APBA1: variants seen among roughly 807,000 people sequenced by gnomAD.
APBA1 encodes the protein amyloid-beta A4 precursor protein-binding family A member 1.
APBA1 carries 55 observed loss-of-function variants against 86.6 expected under a neutral mutation model. The observed-to-expected ratio is 0.64, with a 90% CI of 0.51 to 0.80. APBA1 has a LOEUF of 0.80. Among genes scored for constraint, APBA1 ranks in the 30% least tolerant of loss-of-function variants. The pLI is 0.00. For missense variants in APBA1, 1,090 were observed against 1,183.0 expected (o/e 0.92, Z 1.15); for synonymous variants, 511 against 493.9 (o/e 1.03, Z -0.46).
intron 1 of APBA1, among the ~76,000 whole-genome samples, chr9:69,527,090 C>T (rs1184834253): frequency 6.6e-6 from 1 of 151,876 alleles, no homozygotes; most frequent in African/African-American, 2.4e-5. Flanking sequence ...TGGGGAAGGA[C>T]AGAGGAGGGT....
intron 2 of APBA1, among the ~76,000 whole-genome samples, chr9:69,510,275 T>A (rs1015463210): frequency 2.7e-4 from 41 of 151,858 alleles, no homozygotes; most frequent in African/African-American, 8.5e-4. Context: ...TATACACCAA[T>A]AACAGACAAA....
chr9:69,527,862 T>C (rs1564067502), intron 1 of APBA1, among the ~76,000 whole-genome samples: 1 of 152,150 alleles, frequency 6.6e-6, no homozygotes, highest in Non-Finnish European at 1.5e-5. Context: ...TAATCATTTT[T>C]TGTTATATCT....
intron 1 of APBA1, among the ~76,000 whole-genome samples, chr9:69,597,985 G>C (rs552353059): frequency 2.0e-5 from 3 of 151,636 alleles, no homozygotes; most frequent in African/African-American, 7.3e-5. Flanking sequence ...ACATGCACAC[G>C]TATGTTTATT....
chr9:69,434,954 C>A (rs1228770458), intron 11 of APBA1, among the ~76,000 whole-genome samples: 1 of 108,880 alleles, frequency 9.2e-6, no homozygotes, highest in Non-Finnish European at 1.8e-5. Context: ...CCTCCCCCCA[C>A]CCCACAACAG....
intron 2 of APBA1, among the ~76,000 whole-genome samples, chr9:69,490,410 C>T (rs1835688146): frequency 2.0e-5 from 3 of 151,622 alleles, no homozygotes; most frequent in South Asian, 2.1e-4. Flanking sequence ...ACCAGCATGG[C>T]ACATGTATAC....
intron 2 of APBA1, among the ~76,000 whole-genome samples, chr9:69,506,268 G>A (rs568363088): frequency 9.2e-5 from 14 of 151,432 alleles, no homozygotes; most frequent in Admixed American, 1.3e-4. Context: ...AGTGCAAGGG[G>A]TCAGGGAGTT....
At chr9:69,451,269 C>G (rs1835004093) in intron 9 of APBA1, among the ~76,000 whole-genome samples, 1 of 152,264 alleles carries the variant, frequency 6.6e-6, no homozygotes, top group South Asian at 2.1e-4. Context: ...CACATCCCTT[C>G]TGTTCTGAGG....
In APBA1 at chr9:69,432,593, G is replaced by A. The variant is rs537555595; in HGVS notation, c.2385C>T (p.Ser795=). 1.1e-5 allele frequency: 17 copies of A among 1,606,126 alleles called. No individual in the cohort carries two copies. In the East Asian group the frequency reaches 1.6e-4, roughly 15 times the overall value. ...GHRIIEINGQ[S]VVATPHEKIV... ...TCTTCTCGTGGGGGGTGGCCACGAC[G>A]CTCTGTCCATTGATTTCAATGATCC... The change falls in exon 12 of 13, where the codon AGC becomes AGT. Residue 795 remains serine (S), a synonymous_variant. Coordinates refer to ENST00000265381, the MANE Select transcript of APBA1 (RefSeq NM_001163.4).
chr9:69,654,519 C>T (rs1226125497), intron 1 of APBA1, among the ~76,000 whole-genome samples: 2 of 151,972 alleles, frequency 1.3e-5, no homozygotes, highest in African/African-American at 4.8e-5. Flanking sequence ...AATAGAAAAC[C>T]TGAATAGACC....
intron 1 of APBA1, among the ~76,000 whole-genome samples, chr9:69,637,286 T>C (rs1411615759): frequency 6.6e-6 from 1 of 152,084 alleles, no homozygotes; most frequent in Admixed American, 6.6e-5. Flanking sequence ...ATAGAATAAA[T>C]AAGATCTAGT....
At chr9:69,629,579 GT>G (rs1822997575) in intron 1 of APBA1, among the ~76,000 whole-genome samples, 1 of 152,184 alleles carries the variant, frequency 6.6e-6, no homozygotes, top group Non-Finnish European at 1.5e-5. Flanking sequence ...CATGGCAAAG[GT>G]CTGGAAACTG....
intron 1 of APBA1, among the ~76,000 whole-genome samples, chr9:69,525,882 G>C (rs1428864327): frequency 6.6e-6 from 1 of 151,622 alleles, no homozygotes; most frequent in Non-Finnish European, 1.5e-5. Context: ...TAGAGGAATG[G>C]AACAGAATAG....
chr9:69,557,053 A>G (rs1836872231), intron 1 of APBA1, among the ~76,000 whole-genome samples: 1 of 152,224 alleles, frequency 6.6e-6, no homozygotes, highest in Admixed American at 6.5e-5. Context: ...TAAGGGGTTA[A>G]GAATGCTGTA....
chr9:69,456,794 T>A (rs1189346756), intron 7 of APBA1, among the ~76,000 whole-genome samples: 1 of 152,168 alleles, frequency 6.6e-6, no homozygotes, highest in Admixed American at 6.5e-5. Flanking sequence ...ACAAATTTGT[T>A]CACATTAATG....
chr9:69,651,423 T>A lies in APBA1; in HGVS notation c.-70+20730A>T, dbSNP rs537170183. Reference sequence around the variant, plus strand: ...TTTATACACTTTACTGTATGTGTTTTACTTCTATTATAAAACAATCTTCCC... The same window carrying A: ...TTTATACACTTTACTGTATGTGTTTAACTTCTATTATAAAACAATCTTCCC... On this transcript the variant is annotated intron_variant, in intron 1 of 12. Coordinates refer to ENST00000265381, the MANE Select transcript of APBA1 (RefSeq NM_001163.4). Among the ~76,000 whole-genome samples the A allele has an allele frequency of 2.0e-5, 3 of 152,342 alleles. No homozygotes were observed. The South Asian group carries it at 6.2e-4, about 32-fold the overall frequency.
chr9:69,582,208 A>T (rs1034011830), intron 1 of APBA1, among the ~76,000 whole-genome samples: 1 of 152,232 alleles, frequency 6.6e-6, no homozygotes, highest in Non-Finnish European at 1.5e-5. Flanking sequence ...CACTTAACAC[A>T]TCAAAGTGAG....
intron 2 of APBA1, among the ~76,000 whole-genome samples, chr9:69,492,477 T>C (rs1266046264): frequency 6.6e-6 from 1 of 152,116 alleles, no homozygotes; most frequent in East Asian, 1.9e-4. Flanking sequence ...ACGGGTAAAA[T>C]TGAAAAGCAA....
chr9:69,603,732 T>C (rs983763208), intron 1 of APBA1, among the ~76,000 whole-genome samples: 1 of 152,220 alleles, frequency 6.6e-6, no homozygotes, highest in African/African-American at 2.4e-5. Flanking sequence ...TAGAATAACC[T>C]TATAATTTAT....
chr9:69,530,185 C>T (rs1836402528), intron 1 of APBA1, among the ~76,000 whole-genome samples: 1 of 151,892 alleles, frequency 6.6e-6, no homozygotes, highest in Admixed American at 6.6e-5. Context: ...AAATCATTAT[C>T]ATATTAAAAA....
Sources: gnomAD v4.1 joint callset for allele counts (sites outside exome capture counted in the v4.1 genomes callset) on GRCh38, gnomAD v4.1.1 for gene constraint, MANE v1.5 for transcripts, NCBI Gene and HGNC (gene_info 2026-07-23, HGNC 2026-07-21) for gene names.